Variants in SLC8B1 observed in about 807,000 individuals in gnomAD.
The protein encoded by SLC8B1 is solute carrier family 8 member B1.
In SLC8B1, 52 loss-of-function variants were observed where a neutral mutation model predicts 63.4. The observed-to-expected ratio is 0.82, with a 90% CI of 0.66 to 1.03. SLC8B1 has a LOEUF of 1.03. Ranked by LOEUF, SLC8B1 falls within the 50% of genes least tolerant of loss-of-function variation. The pLI, the probability that SLC8B1 is intolerant of heterozygous loss-of-function variation, is 0.00. For synonymous variants in SLC8B1, 336 were observed against 323.9 expected, an observed-to-expected ratio of 1.04 and a Z score of -0.40; for missense variants, 657 against 741.7, an observed-to-expected ratio of 0.89 and a Z score of 1.33.
intron 14 of SLC8B1, among the ~76,000 whole-genome samples, chr12:113,304,687 C>T (rs1956648723): frequency 6.6e-6 from 1 of 152,166 alleles, no homozygotes; most frequent in African/African-American, 2.4e-5. Flanking sequence ...ACTGCAGCCT[C>T]GACCTCCTAG....
rs1189100178 is a variant in SLC8B1 at position 113,325,888 on chromosome 12, G to A, written c.157-4540C>T. Among the ~76,000 whole-genome samples, 3 of 152,154 alleles carry A rather than the reference G, an allele frequency of 2.0e-5. No individual in the cohort carries two copies. The East Asian group carries it at 5.8e-4, about 29-fold the overall frequency. On this transcript the variant is annotated intron_variant, in intron 2 of 15. Coordinates refer to ENST00000680972, the MANE Select transcript of SLC8B1 (RefSeq NM_001358345.2). ...CTGAATTTTTTTTGTCTGCATTCTT[G>A]TATTTGCCCTGAGCCTGGCCTGTAG...
At position 113,316,575 on chromosome 12, in the gene SLC8B1, A is replaced by G. The variant is rs766884597; in HGVS notation, c.944T>C (p.Met315Thr). The change falls in exon 10 of 16, where the codon ATG (methionine) becomes ACG (threonine). Residue 315 changes from methionine (M) to threonine (T), a missense_variant. Physicochemically the swap from Met to Thr is moderately conservative, Grantham distance 81 (BLOSUM62 -1). Coordinates refer to ENST00000680972, the MANE Select transcript of SLC8B1 (RefSeq NM_001358345.2). ...GTATGCTGATTTCCTTCTCCACTTC[A>G]TGTAATCCAGGGGATTGAGGGCCCG... ...LVRALNPLDYMKWRRKSAYWK... is the reference protein window; with the variant it reads ...LVRALNPLDYTKWRRKSAYWK... 2 of 1,614,018 alleles carry G rather than the reference A, an allele frequency of 1.2e-6. No individual in the cohort carries two copies. Among genetic ancestry groups the G allele is most frequent in the African/African-American group, 1.3e-5 (1 of 74,928 alleles).
At chr12:113,300,140 G>GCCTCAACAACAATGCAC (rs1257416861) in intron 15 of SLC8B1, among the ~76,000 whole-genome samples, 166 bp from the exon 16 acceptor site, 6 of 146,466 alleles carry the variant, frequency 4.1e-5, no homozygotes, top group Non-Finnish European at 7.6e-5. Flanking sequence ...CAACAATCCA[G>GCCTCAACAACAATGCAC]CCTCAACAAC....
rs2136853109 is a variant in SLC8B1 at position 113,320,333 on chromosome 12, A to G, written c.692T>C (p.Leu231Pro). Residue 231 changes from leucine (L) to proline (P), a missense_variant and splice_region_variant, in exon 7 of 16, where the codon CTG (leucine) becomes CCG (proline). Coordinates refer to ENST00000680972, the MANE Select transcript of SLC8B1 (RefSeq NM_001358345.2). The surrounding 1 kb of genome is among the most constrained non-coding windows in gnomAD (Gnocchi z 5.3). ...FRGRVTLAWA[L>P]GYLGLYVFYV... Reference sequence around the variant, plus strand: ...GCCTGAGCCCCAGAGCTGCTCACCCAGAGCCCATGCCAGGGTGACCCTGCC... The same window carrying G: ...GCCTGAGCCCCAGAGCTGCTCACCCGGAGCCCATGCCAGGGTGACCCTGCC... 1 of 1,613,982 alleles carries G rather than the reference A, an allele frequency of 6.2e-7. No homozygotes were observed. Among genetic ancestry groups the G allele is most frequent in the Non-Finnish European group, 8.5e-7 (1 of 1,179,936 alleles).
rs113769115 is a variant in SLC8B1, at chr12:113,329,896, G to A, written c.156+2827C>T. ...GTCCCCAGGGCCCCTGTTCTCTCCT[G>A]CCTGGTCTCCCTTCCTTCTCCCTTG... On this transcript the variant is annotated intron_variant, in intron 2 of 15. Transcript: ENST00000680972. Among the ~76,000 whole-genome samples, 381 of 152,198 alleles carry A rather than the reference G, an allele frequency of 2.5e-3. 2 individuals carry two copies. The highest frequency in any genetic ancestry group is 8.8e-3 in the African/African-American group (364 of 41,516).
intron 2 of SLC8B1, among the ~76,000 whole-genome samples, chr12:113,324,402 CTTTT>C: frequency 7.6e-6 from 1 of 130,822 alleles, no homozygotes; most frequent in East Asian, 2.6e-4. Context: ...TCAGCTCTAC[CTTTT>C]TTTTTTTTTT....
chr12:113,306,418 C>T (rs1956676235), intron 14 of SLC8B1, 77 bp downstream of exon 14: 3 of 1,265,312 alleles, frequency 2.4e-6, no homozygotes, highest in Non-Finnish European at 3.2e-6. Context: ...AACCAATCCC[C>T]AGGGTGGGGC....
intron 2 of SLC8B1, among the ~76,000 whole-genome samples, chr12:113,327,333 G>A (rs1957007780): frequency 6.6e-6 from 1 of 152,110 alleles, no homozygotes; most frequent in African/African-American, 2.4e-5. Flanking sequence ...TTCTAGGTGA[G>A]TGATTTTGGG....
chr12:113,333,924 G>A (rs1215715184), intron 1 of SLC8B1, among the ~76,000 whole-genome samples: 2 of 152,204 alleles, frequency 1.3e-5, no homozygotes, highest in African/African-American at 2.4e-5. Context: ...GGCCAGGCTG[G>A]TCTGGAACTC....
Position 113,320,825 on chromosome 12 carries a change from T to C in SLC8B1, c.420+25A>G, listed in dbSNP as rs763369423. The C allele has an allele frequency of 6.3e-7, 1 of 1,594,276 alleles. No individual in the cohort carries two copies. The highest frequency in any genetic ancestry group is 2.3e-5 in the East Asian group (1 of 44,264). The stretch of plus-strand genomic sequence containing the variant: ...CCCCACAACTGCCCTCCCTCCAGGG[T>C]GCAGGACACTGGACAAAAGGATACT... On this transcript the variant is annotated intron_variant, in intron 5 of 15. Transcript: ENST00000680972. This position sits in a 1 kb window ranked among gnomAD's most constrained non-coding sequence, Gnocchi z 5.3.
rs1212153369 is a variant in SLC8B1 at position 113,306,416 on chromosome 12, C to T, written c.1492+79G>A. The T allele has an allele frequency of 6.3e-6, 8 of 1,262,296 alleles. No individual in the cohort carries two copies. The Admixed American group carries it at 1.8e-4, about 29-fold the overall frequency. The allele number at this position is 1,262,296 out of a possible 1,614,324, so 78.2% of individuals were successfully genotyped here. On this transcript the variant is annotated intron_variant, in intron 14 of 15. Coordinates refer to ENST00000680972, the MANE Select transcript of SLC8B1 (RefSeq NM_001358345.2). The stretch of plus-strand genomic sequence containing the variant: ...CCAGGTGTTACACCGAGAACCAATC[C>T]CCAGGGTGGGGCATGGAGCACACCC...
In SLC8B1 at chr12:113,315,318, G is replaced by T; in HGVS notation, c.1135+17C>A. ...AGGAGTAGGAAGGTGGGTTGGCCCG[G>T]GGTAGGGGATACTCACAGGTCCCCG... On this transcript the variant is annotated intron_variant, in intron 11 of 15. Coordinates refer to ENST00000680972, the MANE Select transcript of SLC8B1 (RefSeq NM_001358345.2). 1 of 1,516,204 alleles carries T rather than the reference G, an allele frequency of 6.6e-7. No individual in the cohort carries two copies. The highest frequency in any genetic ancestry group is 8.9e-7 in the Non-Finnish European group (1 of 1,126,456). 93.9% of individuals were successfully genotyped at this position (1,516,204 alleles called of 1,614,324 possible).
chr12:113,316,574 C>T lies in SLC8B1; in HGVS notation c.945G>A (p.Met315Ile), dbSNP rs759143683. 1 of 1,614,224 alleles carries T rather than the reference C, an allele frequency of 6.2e-7. No individual in the cohort carries two copies. The highest frequency in any genetic ancestry group is 1.1e-5 in the South Asian group (1 of 91,084). ...LVRALNPLDY[M>I]KWRRKSAYWK... ...AGTATGCTGATTTCCTTCTCCACTT[C>T]ATGTAATCCAGGGGATTGAGGGCCC... Residue 315 changes from methionine (M) to isoleucine (I), a missense_variant, in exon 10 of 16, where the codon ATG (methionine) becomes ATA (isoleucine). By Grantham distance (10) the Met-to-Ile change is conservative. Coordinates refer to ENST00000680972, the MANE Select transcript of SLC8B1 (RefSeq NM_001358345.2).
chr12:113,318,484 ATG>A (rs753915751), intron 8 of SLC8B1, among the ~76,000 whole-genome samples: 11 of 149,292 alleles, frequency 7.4e-5, no homozygotes, highest in East Asian at 2.0e-4. Flanking sequence ...GTGCATGTAC[ATG>A]TGTGAGTTGT....
Position 113,320,138 on chromosome 12 carries a change from C to G in SLC8B1, c.694+193G>C. Reference sequence around the variant, plus strand: ...AATACTCCCTCCCCAGCCCCCAGCTCTGCCAGGCCTCTTTGGTTATGTGAC... The same window carrying G: ...AATACTCCCTCCCCAGCCCCCAGCTGTGCCAGGCCTCTTTGGTTATGTGAC... On this transcript the variant is annotated intron_variant, in intron 7 of 15. Transcript: ENST00000680972. This position sits in a 1 kb window ranked among gnomAD's most constrained non-coding sequence, Gnocchi z 5.3. 1 of 660,162 alleles carries G rather than the reference C, an allele frequency of 1.5e-6. No individual in the cohort carries two copies. The allele number at this position is 660,162 out of a possible 1,614,324, so 40.9% of individuals were successfully genotyped here.
intron 11 of SLC8B1, among the ~76,000 whole-genome samples, chr12:113,310,697 GCCAGGCATTA>G (rs1956745374): frequency 6.6e-6 from 1 of 152,132 alleles, no homozygotes; most frequent in Non-Finnish European, 1.5e-5. Context: ...GCTCCCTCCA[GCCAGGCATTA>G]CCAGTAGATG....
chr12:113,308,885 ACT>A (rs1305468552), intron 12 of SLC8B1: 1 of 152,048 alleles, frequency 6.6e-6, no homozygotes, highest in Admixed American at 6.6e-5. Context: ...ACGATGTCTC[ACT>A]CTGTTGCCCA....
In SLC8B1 at chr12:113,320,733, C is replaced by T. The variant is rs745431928; in HGVS notation, c.421-47G>A. 5.7e-6 allele frequency: 9 copies of T among 1,591,746 alleles called. No homozygotes were observed. The highest frequency in any genetic ancestry group is 1.8e-5 in the Admixed American group (1 of 55,120). ...GGGCCAGGATCGCAGCTGCAGCCCA[C>T]CCAGGCCTTCGACCCTATCCCCCAG... is the stretch of plus-strand genomic sequence containing the variant. On this transcript the variant is annotated intron_variant, in intron 5 of 15. Transcript: ENST00000680972. The surrounding 1 kb of genome is among the most constrained non-coding windows in gnomAD (Gnocchi z 5.3).
chr12:113,328,492 T>C (rs901204150), intron 2 of SLC8B1, among the ~76,000 whole-genome samples: 7 of 152,170 alleles, frequency 4.6e-5, no homozygotes, highest in Non-Finnish European at 1.0e-4. Context: ...GAGCTCTCCT[T>C]TGCCTGTTTT....
Sources: gnomAD v4.1 joint callset for allele counts (sites outside exome capture counted in the v4.1 genomes callset) on GRCh38, gnomAD v4.1.1 for gene constraint, Gnocchi (gnomAD v3.1) non-coding constraint, MANE v1.5 for transcripts, NCBI Gene and HGNC (gene_info 2026-07-23, HGNC 2026-07-21) for gene names.